PLB1: variants seen among roughly 807,000 people sequenced by gnomAD.
PLB1 encodes phospholipase B1.
In PLB1, 242 loss-of-function variants were observed where a neutral mutation model predicts 227.4. The observed-to-expected ratio is 1.06, with a 90% CI of 0.96 to 1.18. PLB1 has a LOEUF of 1.18. Ranked by LOEUF, PLB1 falls within the 50% of genes most tolerant of loss-of-function variation. The pLI is 0.00. For synonymous variants in PLB1, 757 were observed against 682.2 expected (o/e 1.11, Z -1.71); for missense variants, 1,858 against 1,816.3 (o/e 1.02, Z -0.42).
intron 49 of PLB1, among the ~76,000 whole-genome samples, chr2:28,623,735 C>T (rs570562080): frequency 2.0e-3 from 307 of 152,328 alleles, no homozygotes; most frequent in Non-Finnish European, 3.3e-3. Context: ...GCTGACCTAA[C>T]TTCTCACAGA....
chr2:28,566,848 G>A lies in PLB1; in HGVS notation c.1324+9G>A. On this transcript the variant is annotated intron_variant, in intron 20 of 57. Coordinates refer to ENST00000327757, the MANE Select transcript of PLB1 (RefSeq NM_153021.5). The stretch of plus-strand genomic sequence containing the variant: ...CGTTACCACCCTGGCGAGTGAGTAC[G>A]CGGCGGCGGCCGGGATGTTTGGTTT... The A allele has an allele frequency of 6.2e-7, 1 of 1,613,190 alleles. No individual in the cohort carries two copies. The highest frequency in any genetic ancestry group is 1.1e-5 in the South Asian group (1 of 91,074).
chr2:28,532,210 G>C lies in PLB1; in HGVS notation c.555+16G>C, dbSNP rs1225709602. On this transcript the variant is annotated intron_variant, in intron 9 of 57. Coordinates refer to ENST00000327757, the MANE Select transcript of PLB1 (RefSeq NM_153021.5). ...TGCTCAACAGGTAAATGGCAGCCTT[G>C]GGGACCAAGGGATTACAGATGCTGG... 6.3e-7 allele frequency: 1 copy of C among 1,589,068 alleles called. No individual in the cohort carries two copies.
chr2:28,575,172 A>T (rs558472613), intron 21 of PLB1, among the ~76,000 whole-genome samples: 1 of 152,244 alleles, frequency 6.6e-6, no homozygotes, highest in South Asian at 2.1e-4. Context: ...CCAGGCCAAC[A>T]CCTATTATTT....
In PLB1 at chr2:28,582,446, C is replaced by T. The variant is rs748284820; in HGVS notation, c.1674C>T (p.Ile558=). 3.7e-6 allele frequency: 6 copies of T among 1,613,224 alleles called. No individual in the cohort carries two copies. The African/African-American group carries it at 4.0e-5, about 11-fold the overall frequency. The change falls in exon 25 of 58, where the codon ATC becomes ATT. Residue 558 remains isoleucine, a synonymous_variant. Coordinates refer to ENST00000327757, the MANE Select transcript of PLB1 (RefSeq NM_153021.5). ...AFVNLVTVLE[I]VNLRELYQEK... ...TGAACCTGGTGACGGTGCTTGAGATCGTCAACCTGAGGGAGCTGTACCAGG... is the reference window on the plus strand; with the variant it reads ...TGAACCTGGTGACGGTGCTTGAGATTGTCAACCTGAGGGAGCTGTACCAGG...
At chr2:28,537,912 C>T (rs1190788037) in intron 9 of PLB1, among the ~76,000 whole-genome samples, 1 of 152,126 alleles carries the variant, frequency 6.6e-6, no homozygotes, top group East Asian at 1.9e-4. Context: ...GCCTTAAATA[C>T]AGGGTTAATT....
At chr2:28,627,281 TAGAGGC>T (rs1404960480) in intron 51 of PLB1, among the ~76,000 whole-genome samples, 1 of 151,966 alleles carries the variant, frequency 6.6e-6, no homozygotes, top group Non-Finnish European at 1.5e-5. Flanking sequence ...ACCCACACTC[TAGAGGC>T]AGAAGTGACC....
chr2:28,513,863 C>T (rs576360983), intron 1 of PLB1, among the ~76,000 whole-genome samples: 1 of 152,294 alleles, frequency 6.6e-6, no homozygotes, highest in South Asian at 2.1e-4. Flanking sequence ...AACTCTGGAC[C>T]CAGCCCCAAC....
At chr2:28,633,962 C>G (rs185924254) in intron 56 of PLB1, among the ~76,000 whole-genome samples, 396 of 152,312 alleles carry the variant, frequency 2.6e-3, no homozygotes, top group Non-Finnish European at 4.7e-3. Flanking sequence ...CACCGCTGTG[C>G]AAACGTTCCC....
intron 32 of PLB1, 26 bp downstream of exon 32, chr2:28,592,745 T>C: frequency 1.2e-6 from 2 of 1,611,740 alleles, no homozygotes; most frequent in Admixed American, 1.7e-5. Context: ...CCCCAGGTGG[T>C]TTGGGGATAA....
In PLB1 at chr2:28,601,982, A is replaced by G. The variant is rs2148300079; in HGVS notation, c.2673+18A>G. The G allele has an allele frequency of 5.6e-6, 9 of 1,593,548 alleles. No homozygotes were observed. The highest frequency in any genetic ancestry group is 7.7e-6 in the Non-Finnish European group (9 of 1,161,668). ...ATAGAGAGGTGGGTGGGGGGCTTCC[A>G]CAAGCTGGTAACAGCTCAAGCATGG... On this transcript the variant is annotated intron_variant, in intron 38 of 57. Transcript: ENST00000327757.
At chr2:28,545,287 C>A (rs1329251599) in intron 14 of PLB1, among the ~76,000 whole-genome samples, 1 of 152,150 alleles carries the variant, frequency 6.6e-6, no homozygotes, top group African/African-American at 2.4e-5. Context: ...GCAGCCTCAG[C>A]CAGCAGGGAC....
intron 31 of PLB1, 108 bp downstream of exon 31, chr2:28,591,868 C>A (rs573782322): frequency 1.8e-6 from 2 of 1,133,140 alleles, no homozygotes; most frequent in African/African-American, 1.5e-5. Context: ...CAGTGACGGC[C>A]AGTGCTTGCT....
At chr2:28,536,160 C>G (rs573428140) in intron 9 of PLB1, among the ~76,000 whole-genome samples, 17 of 152,344 alleles carry the variant, frequency 1.1e-4, no homozygotes, top group Admixed American at 1.1e-3. Flanking sequence ...GACCTTTGGG[C>G]TCATTTAATG....
At position 28,529,299 on chromosome 2, in the gene PLB1, A is replaced by C; in HGVS notation, c.326-18A>C. The C allele has an allele frequency of 6.3e-7, 1 of 1,582,176 alleles. No homozygotes were observed. Among genetic ancestry groups the C allele is most frequent in the Non-Finnish European group, 8.7e-7 (1 of 1,151,170 alleles). On this transcript the variant is annotated intron_variant, in intron 6 of 57. Transcript: ENST00000327757. ...TCAGCTGGTGAAGGCCAGGGCCTCAAACCAGTTCTCTCTTTAGTCCTTTCA... is the reference window on the plus strand; with the variant it reads ...TCAGCTGGTGAAGGCCAGGGCCTCACACCAGTTCTCTCTTTAGTCCTTTCA...
chr2:28,566,747 G>A (rs1216208376), intron 19 of PLB1, 49 bp from the exon 20 acceptor site: 13 of 1,603,690 alleles, frequency 8.1e-6, no homozygotes, highest in South Asian at 3.3e-5. Context: ...GGGTCTCGGC[G>A]TGGCTGGGAT....
chr2:28,541,185 T>TAAATAAATAAATAAA lies in PLB1; in HGVS notation c.775-522_775-521insAAATAAATAAATAAA, dbSNP rs1553414256. Among the ~76,000 whole-genome samples, 26 of 150,108 alleles carry TAAATAAATAAATAAA rather than the reference T, an allele frequency of 1.7e-4. No individual in the cohort carries two copies. The South Asian group carries it at 2.1e-3, about 12-fold the overall frequency. ...AGACTCCGTCTCAAAAATAAATAAA[T>TAAATAAATAAATAAA]TAAATAAATAAATAAATAAATAAGG... is the stretch of plus-strand genomic sequence containing the variant. On this transcript the variant is annotated intron_variant, in intron 12 of 57. Coordinates refer to ENST00000327757, the MANE Select transcript of PLB1 (RefSeq NM_153021.5).
chr2:28,634,732 G>A (rs1339678185), intron 56 of PLB1, among the ~76,000 whole-genome samples: 1 of 152,130 alleles, frequency 6.6e-6, no homozygotes, highest in Non-Finnish European at 1.5e-5. Context: ...ACACAGGGGA[G>A]ATTCTGTCTC....
Position 28,643,133 on chromosome 2 carries a change from C to T in PLB1, c.*72C>T, listed in dbSNP as rs1690156633. The T allele has an allele frequency of 1.1e-5, 16 of 1,393,304 alleles. No individual in the cohort carries two copies. The highest frequency in any genetic ancestry group is 2.6e-4 in the Middle Eastern group (1 of 3,846). The allele number at this position is 1,393,304 out of a possible 1,614,324, so 86.3% of individuals were successfully genotyped here. On this transcript the variant is annotated 3_prime_UTR_variant, in exon 58 of 58. Transcript: ENST00000327757. ...CACCGCCCTCTGCCCCAGCCACTCC[C>T]GGCCACCAGGACATGCTTCAATGCC...
chr2:28,554,393 T>C (rs1028343522), intron 17 of PLB1, among the ~76,000 whole-genome samples: 7 of 151,452 alleles, frequency 4.6e-5, no homozygotes, highest in African/African-American at 4.9e-5. Flanking sequence ...AGTGGCATGA[T>C]TGTGGCTCAC....
Sources: allele counts gnomAD v4.1 joint callset (sites outside exome capture counted in the v4.1 genomes callset), GRCh38; gene constraint gnomAD v4.1.1; transcripts MANE v1.5; gene names NCBI Gene and HGNC (gene_info 2026-07-23, HGNC 2026-07-21).